The following PCDH15 variants were observed in gnomAD, a reference collection of about 807,000 sequenced individuals.
PCDH15 encodes protocadherin-15.
Under a neutral mutation model 178.5 loss-of-function variants are expected in PCDH15, and 129 were observed. The ratio of observed to expected loss-of-function variants is 0.72; its 90% CI spans 0.63 to 0.84. The LOEUF (loss-of-function observed/expected upper bound fraction) is 0.84. Ranked by LOEUF, PCDH15 falls within the 40% of genes least tolerant of loss-of-function variation. PCDH15 has a pLI of 0.00. For synonymous variants in PCDH15, 800 were observed against 732.0 expected, an observed-to-expected ratio of 1.09 and a Z score of -1.50; for missense variants, 2,230 against 2,099.9, an observed-to-expected ratio of 1.06 and a Z score of -1.21.
chr10:53,999,758 A>G (rs1333901943), intron 20 of PCDH15, among the ~76,000 whole-genome samples: 6 of 152,214 alleles, frequency 3.9e-5, no homozygotes, highest in African/African-American at 1.4e-4. Context: ...GAACCTGTTC[A>G]GGGCCTGGGA....
At chr10:54,545,569 G>GGGAA (rs970953340) in intron 2 of PCDH15, among the ~76,000 whole-genome samples, 1 of 151,736 alleles carries the variant, frequency 6.6e-6, no homozygotes, top group Admixed American at 6.6e-5. Context: ...CAAGGAAGGA[G>GGGAA]GGAAGGAAGG....
chr10:55,064,205 T>C (rs145712336), intron 2 of PCDH15, among the ~76,000 whole-genome samples: 1 of 152,276 alleles, frequency 6.6e-6, no homozygotes, highest in Admixed American at 6.5e-5. Context: ...TCTTAGGGCC[T>C]GACATACAAG....
At chr10:55,450,009 C>T (rs966385000) in intron 2 of PCDH15, among the ~76,000 whole-genome samples, 15 of 152,122 alleles carry the variant, frequency 9.9e-5, no homozygotes, top group Admixed American at 4.6e-4. Context: ...AAAAAAGACA[C>T]GCATTAAAAC....
intron 26 of PCDH15, among the ~76,000 whole-genome samples, chr10:53,895,099 A>G (rs977212377): frequency 6.6e-6 from 1 of 152,178 alleles, no homozygotes; most frequent in East Asian, 1.9e-4. Context: ...TGTGCTGGAG[A>G]TGTTTTACCT....
intron 8 of PCDH15, among the ~76,000 whole-genome samples, chr10:54,285,041 A>G (rs2132820236): frequency 6.6e-6 from 1 of 152,252 alleles, no homozygotes; most frequent in South Asian, 2.1e-4. Context: ...CAAGAAACTT[A>G]ACTCAATAAA....
At chr10:55,256,482 A>G (rs1302794645) in intron 1 of PCDH15, among the ~76,000 whole-genome samples, 1 of 152,156 alleles carries the variant, frequency 6.6e-6, no homozygotes, top group African/African-American at 2.4e-5. Context: ...TAGTCAAAGA[A>G]AGGGGTGACA....
rs1178722725 is a variant in PCDH15 at position 55,556,809 on chromosome 10, C to CT, written c.-156+70815dup. Among the ~76,000 whole-genome samples the CT allele has an allele frequency of 2.0e-5, 3 of 152,300 alleles. No individual in the cohort carries two copies. In the East Asian group the frequency reaches 5.8e-4, roughly 29 times the overall value. On this transcript the variant is annotated intron_variant, in intron 2 of 5. Coordinates refer to the PCDH15 transcript ENST00000613346. ...TGAGCCTAGATCGCACCACTGTACTCTATCGTGGGAGACTGTGTCTCAAAA... is the reference window on the plus strand; with the variant it reads ...TGAGCCTAGATCGCACCACTGTACTCTTATCGTGGGAGACTGTGTCTCAAAA...
chr10:54,391,323 G>T (rs1950523381), intron 3 of PCDH15, among the ~76,000 whole-genome samples: 1 of 152,018 alleles, frequency 6.6e-6, no homozygotes, highest in Non-Finnish European at 1.5e-5. Flanking sequence ...CTCCACGAAA[G>T]GAGTTTATGC....
Position 54,147,061 on chromosome 10 carries a change from T to C in PCDH15, c.1784+6039A>G, listed in dbSNP as rs147285841. On this transcript the variant is annotated intron_variant, in intron 14 of 37. Transcript: ENST00000644397. ...TAATATATATATTTGTTCATAATCT[T>C]TAAATATAATCTTCCTTATAAAAGA... is the stretch of plus-strand genomic sequence containing the variant. 3.2e-3 allele frequency among the ~76,000 whole-genome samples: 478 copies of C among 148,130 alleles called. 20 individuals carry two copies. In the East Asian group the frequency reaches 0.051, roughly 16 times the overall value.
chr10:54,238,478 T>C (rs773121953), intron 8 of PCDH15, among the ~76,000 whole-genome samples: 13 of 152,040 alleles, frequency 8.6e-5, no homozygotes, highest in Non-Finnish European at 4.4e-5. Flanking sequence ...CTAAATGTTA[T>C]CAGTATTTTC....
chr10:54,805,240 TAA>T (rs1460943034), upstream of PCDH15, among the ~76,000 whole-genome samples: 1 of 151,590 alleles, frequency 6.6e-6, no homozygotes, highest in Non-Finnish European at 1.5e-5. Context: ...AACTGCAAAG[TAA>T]AGAGAGGTAG....
chr10:55,070,535 A>G (rs1841707687), intron 2 of PCDH15, among the ~76,000 whole-genome samples: 1 of 152,168 alleles, frequency 6.6e-6, no homozygotes, highest in South Asian at 2.1e-4. Flanking sequence ...TTAAATAGGG[A>G]ATCCTTTCCC....
In PCDH15 at chr10:53,965,057, TAC is replaced by T. The variant is rs1254732060; in HGVS notation, c.2869-3167_2869-3166del. Among the ~76,000 whole-genome samples, 3 of 97,064 alleles carry T rather than the reference TAC, an allele frequency of 3.1e-5. No homozygotes were observed. In the East Asian group the frequency reaches 1.2e-3, roughly 40 times the overall value. The allele number at this position is 97,064 out of a possible 152,430, so 63.7% of individuals were successfully genotyped here. On this transcript the variant is annotated intron_variant, in intron 21 of 37. Coordinates refer to ENST00000644397, the MANE Select transcript of PCDH15 (RefSeq NM_001384140.1). Reference sequence around the variant, plus strand: ...TTCAGAAGTTGGTATTAATAGTACCTACATTTTTTTTTTTTTTTGAGACAGAG... The same window carrying T: ...TTCAGAAGTTGGTATTAATAGTACCTATTTTTTTTTTTTTTTGAGACAGAG...
chr10:55,174,735 T>C (rs1839430869), intron 1 of PCDH15, among the ~76,000 whole-genome samples: 1 of 152,158 alleles, frequency 6.6e-6, no homozygotes, highest in East Asian at 1.9e-4. Flanking sequence ...GTCCTCCCTA[T>C]CCATGTTCTT....
At chr10:55,063,417 G>T (rs11004717) in intron 2 of PCDH15, among the ~76,000 whole-genome samples, 9,336 of 152,014 alleles carry the variant, frequency 0.061, 400 homozygotes, top group African/African-American at 0.11. Flanking sequence ...TTGTCAGGGT[G>T]GTAGTGAGAA....
In PCDH15 at chr10:55,472,410, T is replaced by C. The variant is rs544055396; in HGVS notation, c.-156+155215A>G. ...TTAATTTCAATTTTCATTTTATGTA[T>C]GTTAATGCTATGCTATTTGGAAGAG... is the stretch of plus-strand genomic sequence containing the variant. On this transcript the variant is annotated intron_variant, in intron 2 of 5. Coordinates refer to the PCDH15 transcript ENST00000613346. Among the ~76,000 whole-genome samples, 11 of 152,102 alleles carry C rather than the reference T, an allele frequency of 7.2e-5. No individual in the cohort carries two copies. The South Asian group carries it at 2.1e-3, about 29-fold the overall frequency.
chr10:53,939,542 T>G (rs1263816191), intron 24 of PCDH15, among the ~76,000 whole-genome samples: 5 of 152,100 alleles, frequency 3.3e-5, no homozygotes, highest in African/African-American at 1.2e-4. Context: ...CCCCCTCTTA[T>G]GCTCTCCATA....
intron 2 of PCDH15, among the ~76,000 whole-genome samples, chr10:54,920,510 A>G (rs1837460724): frequency 6.8e-6 from 1 of 146,194 alleles, no homozygotes; most frequent in Non-Finnish European, 1.5e-5. Flanking sequence ...CAGTGTGTGT[A>G]TATATTAGGC....
chr10:54,948,822 A>C (rs1458339073), intron 2 of PCDH15, among the ~76,000 whole-genome samples: 1 of 151,918 alleles, frequency 6.6e-6, no homozygotes, highest in African/African-American at 2.4e-5. Flanking sequence ...TTAAAATGTC[A>C]ATATCATCCA....
Sources: allele counts gnomAD v4.1 joint callset (sites outside exome capture counted in the v4.1 genomes callset), GRCh38; gene constraint gnomAD v4.1.1; transcripts MANE v1.5; gene names NCBI Gene and HGNC (gene_info 2026-07-23, HGNC 2026-07-21).